CYP51A1: variants seen among roughly 807,000 people sequenced by gnomAD.
The protein encoded by CYP51A1 is cytochrome P450 family 51 subfamily A member 1.
CYP51A1 carries 45 observed loss-of-function variants against 53.5 expected under a neutral mutation model. That is an observed-to-expected ratio of 0.84 (90% confidence interval 0.66 to 1.08). The LOEUF (loss-of-function observed/expected upper bound fraction) is 1.08. Among genes scored for constraint, CYP51A1 ranks in the 50% least tolerant of loss-of-function variants. CYP51A1 has a pLI of 0.00. For synonymous variants in CYP51A1, 181 were observed against 217.7 expected, an observed-to-expected ratio of 0.83 and a Z score of 1.48; for missense variants, 462 against 621.7, an observed-to-expected ratio of 0.74 and a Z score of 2.73.
chr7:92,117,303 G>T, intron 8 of CYP51A1, 91 bp from the exon 9 acceptor site: 1 of 1,081,846 alleles, frequency 9.2e-7, no homozygotes, highest in Non-Finnish European at 1.3e-6. Flanking sequence ...GAATATACAT[G>T]GGATACTCAG....
chr7:92,126,445 A>G lies in CYP51A1; in HGVS notation c.596-18T>C. ...AAACACATCTAGGGAGAAAAAAAAG[A>G]TTATTCTCATTACTATTTCCAAAAA... On this transcript the variant is annotated intron_variant, in intron 4 of 9. Transcript: ENST00000003100. The G allele has an allele frequency of 6.4e-7, 1 of 1,566,272 alleles. No homozygotes were observed. Among genetic ancestry groups the G allele is most frequent in the Non-Finnish European group, 8.6e-7 (1 of 1,160,308 alleles).
Position 92,126,435 on chromosome 7 carries a change from GAAA to G in CYP51A1, c.596-11_596-9del. ...AAAGAGCTTCAAACACATCTAGGGA[GAAA>G]AAAAAGATTATTCTCATTACTATTT... is the stretch of plus-strand genomic sequence containing the variant. On this transcript the variant is annotated splice_polypyrimidine_tract_variant and intron_variant, in intron 4 of 9. Transcript: ENST00000003100. 6.4e-7 allele frequency: 1 copy of G among 1,571,082 alleles called. No homozygotes were observed. Among genetic ancestry groups the G allele is most frequent in the Non-Finnish European group, 8.6e-7 (1 of 1,165,108 alleles).
intron 7 of CYP51A1, among the ~76,000 whole-genome samples, chr7:92,120,676 A>G (rs557156429): frequency 6.6e-6 from 1 of 152,350 alleles, no homozygotes; most frequent in African/African-American, 2.4e-5. Flanking sequence ...CACATGCAAA[A>G]GAATGATGAC....
chr7:92,128,428 C>CTCTGTGTG (rs112952169), intron 3 of CYP51A1, among the ~76,000 whole-genome samples: 5,351 of 143,080 alleles, frequency 0.037, 381 homozygotes, highest in African/African-American at 0.13. Flanking sequence ...TGGTTGGTTT[C>CTCTGTGTG]TGTGTGTGTG....
chr7:92,113,442 G>A lies in CYP51A1; in HGVS notation c.*223C>T. ...CAATTGTTTCACCAAGGAACTTCCT[G>A]AAAGCACATGTATAAGTATCATAAC... On this transcript the variant is annotated 3_prime_UTR_variant, in exon 10 of 10. Transcript: ENST00000003100. The A allele has an allele frequency of 2.3e-6, 1 of 442,008 alleles. No homozygotes were observed. Among genetic ancestry groups the A allele is most frequent in the Non-Finnish European group, 4.0e-6 (1 of 252,970 alleles). The allele number at this position is 442,008 out of a possible 1,614,324, so 27.4% of individuals were successfully genotyped here.
intron 7 of CYP51A1, among the ~76,000 whole-genome samples, chr7:92,121,281 CAAAA>C (rs111668177): frequency 1.7e-5 from 2 of 115,732 alleles, no homozygotes; most frequent in Non-Finnish European, 1.9e-5. Flanking sequence ...GACTCTGTCT[CAAAA>C]AAAAAAAAAA....
intron 1 of CYP51A1, 88 bp downstream of exon 1, chr7:92,134,085 G>T (rs1819987041): frequency 2.2e-6 from 3 of 1,339,038 alleles, no homozygotes; most frequent in Non-Finnish European, 3.1e-6. Context: ...CCACTGAGCC[G>T]GTCGGGGCCA....
intron 9 of CYP51A1, 127 bp from the exon 10 acceptor site, chr7:92,113,970 C>G (rs1034170613): frequency 1.4e-4 from 82 of 597,086 alleles, no homozygotes; most frequent in African/African-American, 1.4e-3. Flanking sequence ...AGATGACATT[C>G]TTTTCACATA....
chr7:92,119,979 G>A lies in CYP51A1; in HGVS notation c.1087-1364C>T, dbSNP rs557095072. ...GAGAACTGAAATGAAAAATTCACCCGAGGGGATCAACAGCAGATTTGGACT... is the reference window on the plus strand; with the variant it reads ...GAGAACTGAAATGAAAAATTCACCCAAGGGGATCAACAGCAGATTTGGACT... On this transcript the variant is annotated intron_variant, in intron 7 of 9. Transcript: ENST00000003100. 3.3e-5 allele frequency among the ~76,000 whole-genome samples: 5 copies of A among 152,166 alleles called. No individual in the cohort carries two copies. In the East Asian group the frequency reaches 5.8e-4, roughly 18 times the overall value.
chr7:92,128,547 G>A (rs1046191071), intron 3 of CYP51A1, among the ~76,000 whole-genome samples: 38 of 151,734 alleles, frequency 2.5e-4, no homozygotes, highest in African/African-American at 8.5e-4. Flanking sequence ...GCAGTGTTGT[G>A]ATCTCGGCTC....
intron 2 of CYP51A1, 108 bp from the exon 3 acceptor site, chr7:92,129,164 T>C (rs1038379160): frequency 1.5e-5 from 10 of 648,902 alleles, no homozygotes; most frequent in Non-Finnish European, 2.0e-5. Flanking sequence ...TAAAAACATA[T>C]ATAAACCTTA....
chr7:92,131,736 G>GTTTTTT, intron 2 of CYP51A1, 38 bp downstream of exon 2: 1 of 873,182 alleles, frequency 1.1e-6, no homozygotes, highest in African/African-American at 1.8e-5. Context: ...TTCTCTAGTT[G>GTTTTTT]TTTTTTTTTT....
At chr7:92,125,487 T>C (rs1408802458) in intron 5 of CYP51A1, among the ~76,000 whole-genome samples, 1 of 152,192 alleles carries the variant, frequency 6.6e-6, no homozygotes, top group Non-Finnish European at 1.5e-5. Context: ...AAGCTATAGA[T>C]CAAGTCCTAA....
Position 92,123,721 on chromosome 7 carries a change from G to A in CYP51A1, c.890+13C>T, listed in dbSNP as rs1819738206. ...CCTGCTTCAGCTTAATATGTTATCT[G>A]AATAGCTCTTACTTGTATGTAGCAT... is the stretch of plus-strand genomic sequence containing the variant. On this transcript the variant is annotated intron_variant, in intron 6 of 9. Transcript: ENST00000003100. 5 of 1,594,962 alleles carry A rather than the reference G, an allele frequency of 3.1e-6. No individual in the cohort carries two copies. Among genetic ancestry groups the A allele is most frequent in the Non-Finnish European group, 3.4e-6 (4 of 1,173,780 alleles).
At chr7:92,119,090 C>T (rs960625355) in intron 7 of CYP51A1, among the ~76,000 whole-genome samples, 1 of 152,152 alleles carries the variant, frequency 6.6e-6, no homozygotes, top group Non-Finnish European at 1.5e-5. Flanking sequence ...CTGTGAAAGC[C>T]AGAAGCCTAA....
chr7:92,118,475 T>C, intron 8 of CYP51A1, 45 bp downstream of exon 8: 1 of 1,047,586 alleles, frequency 9.5e-7, no homozygotes, highest in Non-Finnish European at 1.5e-6. Context: ...TTCTTTTTGA[T>C]AAAAACTGGG....
rs1050239367 is a variant in CYP51A1 at position 92,112,951 on chromosome 7, G to GTAAA, written c.*710_*713dup. 1 of 151,882 alleles carries GTAAA rather than the reference G, an allele frequency of 6.6e-6. No homozygotes were observed. Among genetic ancestry groups the GTAAA allele is most frequent in the African/African-American group, 2.4e-5 (1 of 41,346 alleles). 9.4% of individuals were successfully genotyped at this position (151,882 alleles called of 1,614,324 possible). Reference sequence around the variant, plus strand: ...GTAGAACTAGATACATATTTATCAGGTAAATAAATATGTAATTATTTAGTA... The same window carrying GTAAA: ...GTAGAACTAGATACATATTTATCAGGTAAATAAATAAATATGTAATTATTTAGTA... On this transcript the variant is annotated 3_prime_UTR_variant, in exon 10 of 10. Coordinates refer to ENST00000003100, the MANE Select transcript of CYP51A1 (RefSeq NM_000786.4).
Position 92,113,718 on chromosome 7 carries a change from T to C in CYP51A1, c.1477A>G (p.Met493Val), listed in dbSNP as rs749633381. The change falls in exon 10 of 10, where the codon ATG (methionine) becomes GTG (valine). Residue 493 changes from methionine (M) to valine (V), a missense_variant. By Grantham distance (21) the Met-to-Val change is conservative (BLOSUM62 1). Transcript: ENST00000003100. Reference sequence around the variant, plus strand: ...ACTGGGTTTTCAGGGGTGTGAATCATAGTTGTATAATTCACAGTGGGAAAG... The same window carrying C: ...ACTGGGTTTTCAGGGGTGTGAATCACAGTTGTATAATTCACAGTGGGAAAG... ...GYFPTVNYTT[M>V]IHTPENPVIR... 9.3e-6 allele frequency: 15 copies of C among 1,612,726 alleles called. No individual in the cohort carries two copies. Among genetic ancestry groups the C allele is most frequent in the Non-Finnish European group, 1.2e-5 (14 of 1,179,676 alleles).
chr7:92,124,329 A>G (rs1174990495), intron 5 of CYP51A1, among the ~76,000 whole-genome samples: 1 of 152,222 alleles, frequency 6.6e-6, no homozygotes, highest in Non-Finnish European at 1.5e-5. Context: ...TGAAAATACT[A>G]GCAGATTCAG....
Sources: gnomAD v4.1 joint callset for allele counts (sites outside exome capture counted in the v4.1 genomes callset) on GRCh38, gnomAD v4.1.1 for gene constraint, MANE v1.5 for transcripts, NCBI Gene and HGNC (gene_info 2026-07-23, HGNC 2026-07-21) for gene names.